ATXN1: variants seen among roughly 807,000 people sequenced by gnomAD.
ATXN1 encodes ataxin-1.
A neutral mutation model predicts 56.4 loss-of-function variants in ATXN1; 8 were observed. That is an observed-to-expected ratio of 0.14 (90% CI 0.08 to 0.26). The LOEUF is 0.26. Among genes scored for constraint, ATXN1 ranks in the 10% least tolerant of loss-of-function variants. The probability of loss-of-function intolerance (pLI) is 1.00; values close to 1 mark genes in which losing one functional copy is unlikely to be tolerated. For synonymous variants in ATXN1, 514 were observed against 494.6 expected (o/e 1.04, Z -0.52); for missense variants, 987 against 1,106.5 (o/e 0.89, Z 1.53).
intron 2 of ATXN1, among the ~76,000 whole-genome samples, chr6:16,749,242 G>T (rs1760634882): frequency 6.6e-6 from 1 of 152,172 alleles, no homozygotes; most frequent in African/African-American, 2.4e-5. Context: ...TTGCTACAGA[G>T]TCAAGTAGAT....
intron 3 of ATXN1, among the ~76,000 whole-genome samples, chr6:16,642,498 G>T (rs530658600): frequency 6.6e-6 from 1 of 152,324 alleles, no homozygotes; most frequent in African/African-American, 2.4e-5. Flanking sequence ...CAAAGGATTT[G>T]AAATATTACA....
At chr6:16,419,931 G>A (rs1297752447) in intron 6 of ATXN1, among the ~76,000 whole-genome samples, 1 of 152,170 alleles carries the variant, frequency 6.6e-6, no homozygotes, top group Non-Finnish European at 1.5e-5. Flanking sequence ...TTTAAAGTGT[G>A]GGTCCTCATT....
At chr6:16,759,546 T>G (rs1033105579) in intron 1 of ATXN1, among the ~76,000 whole-genome samples, 7 of 148,370 alleles carry the variant, frequency 4.7e-5, no homozygotes, top group South Asian at 4.3e-4. Context: ...TTTTTTTTTT[T>G]TTTTTTTTTT....
rs1273513325 is a variant in ATXN1 at position 16,396,701 on chromosome 6, A to T, written c.-160-68231T>A. On this transcript the variant is annotated intron_variant, in intron 6 of 7. Coordinates refer to ENST00000436367, the MANE Select transcript of ATXN1 (RefSeq NM_001128164.2). ...TCCTAGGCCTTCACATTCACTCACC[A>T]CCCACTCACTGACTCACCCAGAGCA... Among the ~76,000 whole-genome samples, 6 of 152,236 alleles carry T rather than the reference A, an allele frequency of 3.9e-5. No homozygotes were observed. The East Asian group carries it at 1.2e-3, about 29-fold the overall frequency.
intron 4 of ATXN1, among the ~76,000 whole-genome samples, chr6:16,584,758 A>C (rs1261700065): frequency 2.0e-5 from 3 of 152,162 alleles, no homozygotes; most frequent in African/African-American, 7.2e-5. Flanking sequence ...CGCTCTCATA[A>C]ACTGCCTCTG....
chr6:16,629,476 C>T (rs1338541692), intron 3 of ATXN1, among the ~76,000 whole-genome samples: 1 of 152,002 alleles, frequency 6.6e-6, no homozygotes, highest in Admixed American at 6.6e-5. Context: ...TACAGGCACT[C>T]GCCACCAGCC....
intron 7 of ATXN1, among the ~76,000 whole-genome samples, chr6:16,321,712 C>G (rs186047004): frequency 6.6e-6 from 1 of 152,186 alleles, no homozygotes; most frequent in Non-Finnish European, 1.5e-5. Flanking sequence ...AAAATCATCC[C>G]CAAACTAAAC....
At chr6:16,365,778 A>AT (rs1054109201) in intron 6 of ATXN1, among the ~76,000 whole-genome samples, 4 of 152,210 alleles carry the variant, frequency 2.6e-5, no homozygotes, top group African/African-American at 9.6e-5. Flanking sequence ...TAATGACCTC[A>AT]TTTTTAAAAA....
At chr6:16,528,399 A>T (rs1761435400) in intron 4 of ATXN1, among the ~76,000 whole-genome samples, 1 of 152,174 alleles carries the variant, frequency 6.6e-6, no homozygotes, top group African/African-American at 2.4e-5. Flanking sequence ...ATAACATATC[A>T]TGTATTCCAG....
At chr6:16,317,213 G>A (rs1031006708) in intron 7 of ATXN1, among the ~76,000 whole-genome samples, 5 of 152,086 alleles carry the variant, frequency 3.3e-5, no homozygotes, top group African/African-American at 1.2e-4. Context: ...ACCAAAGCAC[G>A]TTACATAACG....
At chr6:16,534,145 G>A (rs956425348) in intron 4 of ATXN1, among the ~76,000 whole-genome samples, 5 of 152,016 alleles carry the variant, frequency 3.3e-5, no homozygotes, top group African/African-American at 1.2e-4. Flanking sequence ...TAAAGTAGAA[G>A]GCTGGGTAAT....
chr6:16,329,368 A>ACTTAG (rs1760926378), intron 6 of ATXN1, among the ~76,000 whole-genome samples: 1 of 152,084 alleles, frequency 6.6e-6, no homozygotes, highest in African/African-American at 2.4e-5. Context: ...CTCTGGGTCC[A>ACTTAG]CACTGGACCT....
chr6:16,607,388 C>CA (rs1217219358), intron 3 of ATXN1, among the ~76,000 whole-genome samples: 1 of 152,118 alleles, frequency 6.6e-6, no homozygotes, highest in African/African-American at 2.4e-5. Flanking sequence ...TAAGTGTTGT[C>CA]AAAAAATGTA....
chr6:16,457,105 T>C (rs1347511548), intron 6 of ATXN1, among the ~76,000 whole-genome samples: 1 of 152,160 alleles, frequency 6.6e-6, no homozygotes, highest in Non-Finnish European at 1.5e-5. Flanking sequence ...AAGGTCCTAA[T>C]AACAACAGGA....
chr6:16,698,079 C>T (rs1175724848), intron 2 of ATXN1, among the ~76,000 whole-genome samples: 1 of 152,158 alleles, frequency 6.6e-6, no homozygotes, highest in Admixed American at 6.5e-5. Context: ...CTTCTAATGG[C>T]GCAGCAAGAG....
chr6:16,500,471 G>C (rs780112712), intron 5 of ATXN1, among the ~76,000 whole-genome samples: 2 of 152,168 alleles, frequency 1.3e-5, no homozygotes, highest in Non-Finnish European at 2.9e-5. Flanking sequence ...AATGGGACGA[G>C]GGGATAACAA....
chr6:16,648,442 C>T (rs1763839187), intron 3 of ATXN1, among the ~76,000 whole-genome samples: 1 of 152,202 alleles, frequency 6.6e-6, no homozygotes, highest in South Asian at 2.1e-4. Context: ...GAAAGTGCAA[C>T]AAAATATAGT....
At chr6:16,538,010 G>C (rs1761638616) in intron 4 of ATXN1, among the ~76,000 whole-genome samples, 1 of 152,182 alleles carries the variant, frequency 6.6e-6, no homozygotes, top group Non-Finnish European at 1.5e-5. Flanking sequence ...GGTCAAAGCA[G>C]GAGAATCACT....
intron 5 of ATXN1, among the ~76,000 whole-genome samples, chr6:16,505,215 G>C (rs771435202): frequency 1.3e-5 from 2 of 152,052 alleles, no homozygotes; most frequent in Admixed American, 6.5e-5. Flanking sequence ...GTCCTTGCCT[G>C]AAAGAAGAAA....
Sources: gnomAD v4.1 joint callset for allele counts (sites outside exome capture counted in the v4.1 genomes callset) on GRCh38, gnomAD v4.1.1 for gene constraint, MANE v1.5 for transcripts, NCBI Gene and HGNC (gene_info 2026-07-23, HGNC 2026-07-21) for gene names.